Variants in ATF7IP observed in about 807,000 individuals in gnomAD.
The protein encoded by ATF7IP is activating transcription factor 7-interacting protein 1.
ATF7IP carries 23 observed loss-of-function variants against 106.4 expected under a neutral mutation model. That is an observed-to-expected ratio of 0.22 (90% CI 0.16 to 0.31). ATF7IP has a LOEUF of 0.31. ATF7IP is among the 10% of genes least tolerant of loss of function. ATF7IP has a pLI of 1.00. For synonymous variants in ATF7IP, 542 were observed against 539.0 expected, an observed-to-expected ratio of 1.01 and a Z score of -0.08; for missense variants, 1,334 against 1,524.3, an observed-to-expected ratio of 0.88 and a Z score of 2.08.
intron 2 of ATF7IP, among the ~76,000 whole-genome samples, chr12:14,433,334 G>C (rs1942234279): frequency 6.6e-6 from 1 of 152,134 alleles, no homozygotes; most frequent in African/African-American, 2.4e-5. Context: ...GTGAAACCCT[G>C]TCTCTACTAA....
intron 13 of ATF7IP, among the ~76,000 whole-genome samples, chr12:14,487,883 T>C (rs554723004): frequency 6.6e-6 from 1 of 152,306 alleles, no homozygotes; most frequent in South Asian, 2.1e-4. Context: ...TCTCCACATA[T>C]GGTCCAAGGT....
Position 14,498,193 on chromosome 12 carries a change from GTATACACTACATTTGTT to G in ATF7IP, c.*125_*141del. 1 of 920,596 alleles carries G rather than the reference GTATACACTACATTTGTT, an allele frequency of 1.1e-6. No homozygotes were observed. The highest frequency in any genetic ancestry group is 1.6e-6 in the Non-Finnish European group (1 of 609,270). 57.0% of individuals were successfully genotyped at this position (920,596 alleles called of 1,614,324 possible). On this transcript the variant is annotated 3_prime_UTR_variant, in exon 15 of 15. Transcript: ENST00000261168. ...TGCAAGATTTCTTGGACAGATGTGT[GTATACACTACATTTGTT>G]TATAACCAGAAGCAAAATAAACTCA...
intron 13 of ATF7IP, 51 bp from the exon 14 acceptor site, chr12:14,496,180 A>C (rs571893559): frequency 8.3e-7 from 1 of 1,207,322 alleles, no homozygotes; most frequent in African/African-American, 1.5e-5. Flanking sequence ...TTTCCACCAA[A>C]TTTACAATAG....
At chr12:14,432,440 CTG>C (rs1240706229) in intron 2 of ATF7IP, among the ~76,000 whole-genome samples, 7 of 152,066 alleles carry the variant, frequency 4.6e-5, no homozygotes, top group Middle Eastern at 3.2e-3. Context: ...TTCACTGAAA[CTG>C]AGGTTGAGAG....
intron 1 of ATF7IP, among the ~76,000 whole-genome samples, chr12:14,372,803 G>A (rs1467261824): frequency 1.3e-5 from 2 of 152,026 alleles, no homozygotes; most frequent in African/African-American, 4.8e-5. Flanking sequence ...ATGCTACTTT[G>A]GGGAAGTATT....
intron 9 of ATF7IP, among the ~76,000 whole-genome samples, chr12:14,464,614 A>G (rs746485890): frequency 1.1e-4 from 16 of 152,172 alleles, no homozygotes; most frequent in Admixed American, 2.0e-4. Context: ...GAGTTATAAT[A>G]TTTATATCCA....
chr12:14,414,600 C>G (rs915868121), intron 1 of ATF7IP, among the ~76,000 whole-genome samples: 6 of 152,178 alleles, frequency 3.9e-5, no homozygotes, highest in Admixed American at 3.9e-4. Flanking sequence ...ATATCTCTGT[C>G]ATATTGGTCT....
rs530535332 is a variant in ATF7IP, at chr12:14,486,738, C to T, written c.3280+5553C>T. Reference sequence around the variant, plus strand: ...CATTACGGTAGCTACGCCCACCTTGCCTTTGACAGTTGAGTGCCACCACTT... The same window carrying T: ...CATTACGGTAGCTACGCCCACCTTGTCTTTGACAGTTGAGTGCCACCACTT... On this transcript the variant is annotated intron_variant, in intron 13 of 14. Coordinates refer to ENST00000261168, the MANE Select transcript of ATF7IP (RefSeq NM_018179.5). Among the ~76,000 whole-genome samples the T allele has an allele frequency of 3.3e-5, 5 of 152,268 alleles. No homozygotes were observed. In the South Asian group the frequency reaches 8.3e-4, roughly 25 times the overall value.
intron 1 of ATF7IP, among the ~76,000 whole-genome samples, chr12:14,374,579 A>G (rs892288866): frequency 1.3e-5 from 2 of 152,180 alleles, no homozygotes; most frequent in African/African-American, 4.8e-5. Flanking sequence ...AGGGTACAGA[A>G]AGTGGTGAGA....
At chr12:14,429,883 A>G (rs1942036949) in intron 2 of ATF7IP, among the ~76,000 whole-genome samples, 1 of 152,204 alleles carries the variant, frequency 6.6e-6, no homozygotes, top group Admixed American at 6.5e-5. Context: ...AGATTTTGGA[A>G]GGAGGTGTAT....
chr12:14,445,065 C>T (rs1312334182), intron 5 of ATF7IP, among the ~76,000 whole-genome samples: 2 of 148,160 alleles, frequency 1.3e-5, no homozygotes, highest in East Asian at 4.0e-4. Flanking sequence ...GATCTCGGCT[C>T]ACTGCAGCCT....
At chr12:14,382,667 A>G (rs894412125) in intron 1 of ATF7IP, among the ~76,000 whole-genome samples, 3 of 152,224 alleles carry the variant, frequency 2.0e-5, no homozygotes, top group Non-Finnish European at 2.9e-5. Context: ...TTTTTGTGGT[A>G]GAAACAAAAA....
intron 1 of ATF7IP, among the ~76,000 whole-genome samples, chr12:14,395,465 AC>A (rs1166603444): frequency 2.6e-5 from 4 of 152,140 alleles, no homozygotes; most frequent in African/African-American, 7.2e-5. Flanking sequence ...AAATTCCTTC[AC>A]ATTTGAATTG....
chr12:14,374,353 A>G (rs1021737676), intron 1 of ATF7IP, among the ~76,000 whole-genome samples: 3 of 148,432 alleles, frequency 2.0e-5, no homozygotes, highest in African/African-American at 2.5e-5. Context: ...GGCTCAAGCA[A>G]TCCTCCCCTC....
chr12:14,402,929 C>T (rs771392276), intron 1 of ATF7IP, among the ~76,000 whole-genome samples: 1 of 152,046 alleles, frequency 6.6e-6, no homozygotes, highest in Non-Finnish European at 1.5e-5. Context: ...GTTCTGACTC[C>T]TGTTTGAGCT....
chr12:14,497,960 G>A lies in ATF7IP; in HGVS notation c.3700G>A (p.Val1234Ile). The A allele has an allele frequency of 1.2e-6, 2 of 1,614,172 alleles. No individual in the cohort carries two copies. The highest frequency in any genetic ancestry group is 1.7e-6 in the Non-Finnish European group (2 of 1,180,024). Residue 1234 changes from valine to isoleucine, a missense_variant, in exon 15 of 15, where the codon GTA becomes ATA. Transcript: ENST00000261168. ...LPMACTLTQF[V>I]SGSKYYFAVR... is the part of the protein sequence containing the mutation. ...CATGGCATGTACTCTCACCCAGTTT[G>A]TATCTGGTAGCAAATACTACTTTGC... is the stretch of plus-strand genomic sequence containing the variant.
chr12:14,404,636 C>T (rs1940452873), intron 1 of ATF7IP, among the ~76,000 whole-genome samples: 1 of 152,072 alleles, frequency 6.6e-6, no homozygotes, highest in African/African-American at 2.4e-5. Flanking sequence ...ATTGGTCTCT[C>T]TTACTGTTAC....
chr12:14,436,076 G>A, intron 3 of ATF7IP, 30 bp from the exon 4 acceptor site: 1 of 1,607,154 alleles, frequency 6.2e-7, no homozygotes, highest in Non-Finnish European at 8.5e-7. Context: ...AAAAACACCT[G>A]AGTGTGATCA....
intron 3 of ATF7IP, among the ~76,000 whole-genome samples, chr12:14,435,877 C>T (rs77264689): frequency 0.11 from 17,467 of 152,158 alleles, 2,660 homozygotes; most frequent in African/African-American, 0.35. Context: ...ATTCTGTGTT[C>T]ACAGTGTGCA....
Sources: allele counts gnomAD v4.1 joint callset (sites outside exome capture counted in the v4.1 genomes callset), GRCh38; gene constraint gnomAD v4.1.1; transcripts MANE v1.5; gene names NCBI Gene and HGNC (gene_info 2026-07-23, HGNC 2026-07-21).